The following SH3BP2 variants were observed in gnomAD, a reference collection of about 807,000 sequenced individuals.
SH3BP2 encodes SH3 domain-binding protein 2.
Under a neutral mutation model 56.2 loss-of-function variants are expected in SH3BP2, and 38 were observed. That is an observed-to-expected ratio of 0.68 (90% CI 0.52 to 0.89). The LOEUF is 0.89. SH3BP2 is among the 40% of genes least tolerant of loss of function. SH3BP2 has a pLI of 0.00. For missense variants in SH3BP2, 748 were observed against 762.6 expected (o/e 0.98, Z 0.23); for synonymous variants, 346 against 316.7 (o/e 1.09, Z -0.98).
chr4:2,805,298 G>A (rs1723486639), intron 1 of SH3BP2, among the ~76,000 whole-genome samples: 1 of 152,216 alleles, frequency 6.6e-6, no homozygotes, highest in Non-Finnish European at 1.5e-5. Context: ...CTTGCCTATC[G>A]ATGAGGATGC....
In SH3BP2 at chr4:2,810,435, C is replaced by T. The variant is rs910435820; in HGVS notation, c.-4-10179C>T. On this transcript the variant is annotated intron_variant, in intron 1 of 12. Transcript: ENST00000503393. This position sits in a 1 kb window ranked among gnomAD's most constrained non-coding sequence, Gnocchi z 4.2. The stretch of plus-strand genomic sequence containing the variant: ...GAGTCTATGAGTGTGGGGCTTTTGG[C>T]GGAGCAAGGGCAGGGGCGAGCCTGG... 2.0e-5 allele frequency among the ~76,000 whole-genome samples: 3 copies of T among 151,516 alleles called. No homozygotes were observed. Among genetic ancestry groups the T allele is most frequent in the East Asian group, 2.0e-4 (1 of 5,100 alleles).
chr4:2,795,824 C>A (rs560583931), intron 1 of SH3BP2, among the ~76,000 whole-genome samples: 1 of 152,268 alleles, frequency 6.6e-6, no homozygotes, highest in South Asian at 2.1e-4. Flanking sequence ...GAGAAGGGGC[C>A]GTGCAGACCC....
At chr4:2,832,899 G>A (rs1251703273) in intron 11 of SH3BP2, 91 bp from the exon 12 acceptor site, 1 of 1,325,332 alleles carries the variant, frequency 7.5e-7, no homozygotes, top group South Asian at 1.2e-5. Flanking sequence ...CAGCCTTGAT[G>A]GTTCTGCCCC....
At chr4:2,798,515 C>T (rs976610574) in intron 1 of SH3BP2, 2 of 152,374 alleles carry the variant, frequency 1.3e-5, no homozygotes, top group African/African-American at 4.8e-5. Context: ...GCACTCATCT[C>T]CTCTCTCGGA....
chr4:2,818,771 C>G, intron 1 of SH3BP2: 1 of 987,882 alleles, frequency 1.0e-6, no homozygotes, highest in Non-Finnish European at 1.2e-6. Flanking sequence ...CCCCTCCCTG[C>G]CCAGAGGGGC....
chr4:2,833,609 C>G, intron 12 of SH3BP2, 88 bp from the exon 13 acceptor site: 8 of 1,525,992 alleles, frequency 5.2e-6, no homozygotes, highest in Non-Finnish European at 7.1e-6. Context: ...GTTGATGCTG[C>G]TGCCTTGTTT....
Position 2,831,225 on chromosome 4 carries a change from T to A in SH3BP2, c.1242-346T>A, listed in dbSNP as rs1277344039. On this transcript the variant is annotated intron_variant, in intron 8 of 12. Coordinates refer to ENST00000503393, the MANE Select transcript of SH3BP2 (RefSeq NM_001122681.2). The surrounding 1 kb of genome is among the most constrained non-coding windows in gnomAD (Gnocchi z 4.1). ...CAGTTCACGTCCACTCCCCTGTGGC[T>A]CTGAGTGGGCTGTGATTTGGCCATG... Among the ~76,000 whole-genome samples the A allele has an allele frequency of 6.6e-6, 1 of 152,190 alleles. No homozygotes were observed. The highest frequency in any genetic ancestry group is 1.5e-5 in the Non-Finnish European group (1 of 68,030).
At position 2,818,276 on chromosome 4, in the gene SH3BP2, C is replaced by T; in HGVS notation, c.-4-2338C>T. ...AGCTGGGGCCGGCGGGAGGCGGGCG[C>T]CCGGGACGAGGCGGCGGCGGCCGGG... is the stretch of plus-strand genomic sequence containing the variant. On this transcript the variant is annotated intron_variant, in intron 1 of 12. Transcript: ENST00000503393. 1 of 1,022,616 alleles carries T rather than the reference C, an allele frequency of 9.8e-7. No individual in the cohort carries two copies. Among genetic ancestry groups the T allele is most frequent in the African/African-American group, 1.7e-5 (1 of 57,654 alleles). The allele number at this position is 1,022,616 out of a possible 1,614,324, so 63.3% of individuals were successfully genotyped here.
At chr4:2,827,048 C>A (rs759744704) in intron 5 of SH3BP2, 182 bp from the exon 6 acceptor site, 1 of 688,556 alleles carries the variant, frequency 1.5e-6, no homozygotes, top group Non-Finnish European at 2.6e-6. Context: ...TCAGCGTATC[C>A]GTGTGTGCAT....
Position 2,835,614 on chromosome 4 carries a change from A to C in SH3BP2, c.*1780A>C, listed in dbSNP as rs1169438190. On this transcript the variant is annotated 3_prime_UTR_variant, in exon 13 of 13. Transcript: ENST00000503393. ...TGTGGCCATAGTTTCTCTTCCTGTA[A>C]AATTTTATTATTTTAGTTTTTTGTT... 6.6e-6 allele frequency: 1 copy of C among 151,976 alleles called. No homozygotes were observed. Among genetic ancestry groups the C allele is most frequent in the Non-Finnish European group, 1.5e-5 (1 of 68,034 alleles). 9.4% of individuals were successfully genotyped at this position (151,976 alleles called of 1,614,324 possible).
At position 2,831,618 on chromosome 4, in the gene SH3BP2, A is replaced by T; in HGVS notation, c.1289A>T (p.Lys430Met). ...AGTTTCAGGAGCTTCTCCTTTGAAA[A>T]GCCCCGGCAACCCTCACAGGCTGAC... ...GQSFRSFSFE[K>M]PRQPSQADTG... The change falls in exon 9 of 13, where the codon AAG (lysine) becomes ATG (methionine). Residue 430 changes from lysine (K) to methionine (M), a missense_variant. This residue lies in a region of SH3BP2 where 635 missense variants were observed against 615.0 expected (regional missense o/e 1.03). Transcript: ENST00000503393. The surrounding 1 kb of genome is among the most constrained non-coding windows in gnomAD (Gnocchi z 4.1). 1 of 1,605,196 alleles carries T rather than the reference A, an allele frequency of 6.2e-7. No homozygotes were observed. Among genetic ancestry groups the T allele is most frequent in the African/African-American group, 1.3e-5 (1 of 74,814 alleles).
At chr4:2,812,178 C>G (rs1162194532) in intron 1 of SH3BP2, 45 of 1,436,720 alleles carry the variant, frequency 3.1e-5, no homozygotes, top group Non-Finnish European at 3.7e-5. Context: ...CCCCAGGCAG[C>G]TTTCAGGACC....
chr4:2,795,713 T>G (rs907923313), intron 1 of SH3BP2, among the ~76,000 whole-genome samples: 12 of 152,096 alleles, frequency 7.9e-5, no homozygotes, highest in African/African-American at 2.9e-4. Flanking sequence ...ACAGACAGAC[T>G]AAGCCAAAGG....
chr4:2,833,222 C>T (rs562629153), intron 12 of SH3BP2, 173 bp downstream of exon 12: 1 of 682,834 alleles, frequency 1.5e-6, no homozygotes, highest in African/African-American at 1.8e-5. Flanking sequence ...TGCTCAGCCT[C>T]CCTCCTCTCG....
In SH3BP2 at chr4:2,827,305, C is replaced by A; in HGVS notation, c.504C>A (p.Pro168=). Reference sequence around the variant, plus strand: ...TGGATATCAGCCTTTCCCCGTACCCCACGGACAATGAAGGTGAGGTCTTTC... The same window carrying A: ...TGGATATCAGCCTTTCCCCGTACCCAACGGACAATGAAGGTGAGGTCTTTC... ...RPVDISLSPY[P]TDNEDYEHDD... Residue 168 remains proline (P), a synonymous_variant, in exon 6 of 13, where the codon CCC becomes CCA. Coordinates refer to ENST00000503393, the MANE Select transcript of SH3BP2 (RefSeq NM_001122681.2). 6.2e-7 allele frequency: 1 copy of A among 1,614,112 alleles called. No homozygotes were observed. The highest frequency in any genetic ancestry group is 1.6e-4 in the Middle Eastern group (1 of 6,062).
At chr4:2,825,505 TGCAC>T (rs1724563166) in intron 5 of SH3BP2, among the ~76,000 whole-genome samples, 1 of 148,774 alleles carries the variant, frequency 6.7e-6, no homozygotes, top group Non-Finnish European at 1.5e-5. Flanking sequence ...CACGTGGACA[TGCAC>T]ACACACACAG....
Position 2,829,471 on chromosome 4 carries a change from C to A in SH3BP2, c.587-22C>A. ...TGGCCCAGTCTCTGTCAGGGTCCAA[C>A]CCGGGTCTCTTTGCTCTGCAGATGC... On this transcript the variant is annotated intron_variant, in intron 7 of 12. Coordinates refer to ENST00000503393, the MANE Select transcript of SH3BP2 (RefSeq NM_001122681.2). This position sits in a 1 kb window ranked among gnomAD's most constrained non-coding sequence, Gnocchi z 4.9. 6.2e-7 allele frequency: 1 copy of A among 1,613,250 alleles called. No homozygotes were observed. The highest frequency in any genetic ancestry group is 1.1e-5 in the South Asian group (1 of 91,080).
chr4:2,822,433 G>A (rs755711641), intron 2 of SH3BP2, among the ~76,000 whole-genome samples: 2 of 152,134 alleles, frequency 1.3e-5, no homozygotes, highest in East Asian at 1.9e-4. Flanking sequence ...GCAGTAGCAC[G>A]ATCTTGGCTC....
intron 1 of SH3BP2, among the ~76,000 whole-genome samples, chr4:2,811,279 G>C (rs560662287): frequency 3.3e-5 from 5 of 152,334 alleles, no homozygotes; most frequent in Non-Finnish European, 7.4e-5. Flanking sequence ...GGTTTGTTGG[G>C]AGGCTGATTT....
Sources: allele counts gnomAD v4.1 joint callset (sites outside exome capture counted in the v4.1 genomes callset), GRCh38; gene constraint gnomAD v4.1.1; regional missense constraint gnomAD v4.1.1; non-coding constraint Gnocchi (gnomAD v3.1); transcripts MANE v1.5; gene names NCBI Gene and HGNC (gene_info 2026-07-23, HGNC 2026-07-21).